GSE1: variants seen among roughly 807,000 people sequenced by gnomAD.
The protein encoded by GSE1 is genetic suppressor element 1.
A neutral mutation model predicts 112.6 loss-of-function variants in GSE1; 32 were observed. That is an observed-to-expected ratio of 0.28 (90% CI 0.21 to 0.38). GSE1 has a LOEUF of 0.38. Among genes scored for constraint, GSE1 ranks in the 10% least tolerant of loss-of-function variants. GSE1 has a pLI of 1.00. For missense variants in GSE1, 2,348 were observed against 1,699.2 expected, an observed-to-expected ratio of 1.38 and a Z score of -6.71; for synonymous variants, 1,115 against 735.6, an observed-to-expected ratio of 1.52 and a Z score of -8.35.
In GSE1 at chr16:85,336,746, C is replaced by T. The variant is rs963233303; in HGVS notation, c.2284-20717C>T. Among the ~76,000 whole-genome samples, 14 of 152,220 alleles carry T rather than the reference C, an allele frequency of 9.2e-5. No homozygotes were observed. In the East Asian group the frequency reaches 1.4e-3, roughly 15 times the overall value. ...CCTCCTGAGTAGCTGGGATTACAGGCGCCTGCCACCACGCCCAGCCTTGCC... is the reference window on the plus strand; with the variant it reads ...CCTCCTGAGTAGCTGGGATTACAGGTGCCTGCCACCACGCCCAGCCTTGCC... On this transcript the variant is annotated intron_variant, in intron 1 of 2. Coordinates refer to the GSE1 transcript ENST00000637419.
At chr16:85,442,741 C>T (rs1317570031) in intron 2 of GSE1, among the ~76,000 whole-genome samples, 3 of 152,206 alleles carry the variant, frequency 2.0e-5, no homozygotes, top group Non-Finnish European at 2.9e-5. Flanking sequence ...CAGCTGCCCC[C>T]TTAGCTCCCG....
At chr16:85,556,069 A>C (rs1411373371) in exon 1 of GSE1, 1 of 983,572 alleles carries the variant, frequency 1.0e-6, no homozygotes. Context: ...CTCATTGTGG[A>C]TCTGCCAGGG....
intron 1 of GSE1, among the ~76,000 whole-genome samples, chr16:85,227,945 C>T (rs952430814): frequency 2.6e-5 from 4 of 152,104 alleles, no homozygotes; most frequent in Non-Finnish European, 5.9e-5. Context: ...ACGCAGAGAA[C>T]CCCGTGCAGG....
At chr16:85,416,782 G>C (rs925176351) in intron 2 of GSE1, among the ~76,000 whole-genome samples, 1 of 152,242 alleles carries the variant, frequency 6.6e-6, no homozygotes, top group Non-Finnish European at 1.5e-5. Context: ...CATGGATCCC[G>C]GGGCTTCTCA....
upstream of GSE1, among the ~76,000 whole-genome samples, chr16:85,554,126 C>T (rs1456523966): frequency 6.6e-6 from 1 of 151,172 alleles, no homozygotes; most frequent in East Asian, 1.9e-4. Context: ...TAAATTGTCA[C>T]ATCAAGAGGC....
chr16:85,626,741 G>C (rs998158324), intron 1 of GSE1, among the ~76,000 whole-genome samples: 3 of 152,136 alleles, frequency 2.0e-5, no homozygotes, highest in Non-Finnish European at 2.9e-5. Context: ...GGGAAGAGCC[G>C]GGATGAAAGG....
intron 1 of GSE1, among the ~76,000 whole-genome samples, chr16:85,260,184 C>T (rs895607298): frequency 7.9e-5 from 12 of 152,198 alleles, no homozygotes; most frequent in African/African-American, 2.2e-4. Context: ...CAGCCCACTG[C>T]CCTCCCATGG....
intron 1 of GSE1, among the ~76,000 whole-genome samples, chr16:85,330,708 A>G (rs578011026): frequency 6.6e-6 from 1 of 152,308 alleles, no homozygotes; most frequent in East Asian, 1.9e-4. Context: ...AAACTGTGAA[A>G]CGACATCTGC....
intron 1 of GSE1, among the ~76,000 whole-genome samples, chr16:85,209,147 C>CA (rs2075178188): frequency 1.3e-5 from 2 of 152,168 alleles, no homozygotes; most frequent in African/African-American, 4.8e-5. Flanking sequence ...TTACTGAGTC[C>CA]AGTGTTTCTG....
At chr16:85,585,623 A>G (rs1401162999) in intron 1 of GSE1, among the ~76,000 whole-genome samples, 2 of 152,134 alleles carry the variant, frequency 1.3e-5, no homozygotes, top group Non-Finnish European at 2.9e-5. Context: ...CCCTCCCATC[A>G]TTGCAGTCTG....
chr16:85,429,037 G>A (rs1326843002), intron 2 of GSE1, among the ~76,000 whole-genome samples: 1 of 152,210 alleles, frequency 6.6e-6, no homozygotes, highest in African/African-American at 2.4e-5. Flanking sequence ...TACAACACGT[G>A]CACATACATG....
chr16:85,253,057 CGCCCCCCCCCCA>C (rs1906659562), intron 1 of GSE1, among the ~76,000 whole-genome samples: 2 of 63,660 alleles, frequency 3.1e-5, no homozygotes, highest in African/African-American at 7.2e-5. Context: ...TAGGCGCCCC[CGCCCCCCCCCCA>C]CCCCCCCCCC....
At chr16:85,541,468 C>T (rs978466428) in intron 2 of GSE1, among the ~76,000 whole-genome samples, 9 of 152,232 alleles carry the variant, frequency 5.9e-5, no homozygotes, top group Non-Finnish European at 1.2e-4. Context: ...AGCTCCTGGG[C>T]CAAGTGAAAA....
intron 1 of GSE1, among the ~76,000 whole-genome samples, chr16:85,332,452 G>A (rs2046395431): frequency 6.6e-6 from 1 of 152,194 alleles, no homozygotes; most frequent in Non-Finnish European, 1.5e-5. Flanking sequence ...CAGATGGGGT[G>A]GCAGAGGCTC....
At chr16:85,613,940 C>A (rs1356977798) in intron 1 of GSE1, among the ~76,000 whole-genome samples, 2 of 148,642 alleles carry the variant, frequency 1.3e-5, no homozygotes, top group Non-Finnish European at 3.0e-5. Context: ...GACCCCTTGT[C>A]TCGGGGGAGT....
chr16:85,321,155 T>C (rs1037735250), intron 1 of GSE1, among the ~76,000 whole-genome samples: 1 of 152,224 alleles, frequency 6.6e-6, no homozygotes, highest in African/African-American at 2.4e-5. Context: ...CTGTCTCTTC[T>C]GCCGGTGTCC....
Position 85,364,357 on chromosome 16 carries a change from C to G in GSE1, c.2464+6714C>G, listed in dbSNP as rs113397331. 2.3e-3 allele frequency among the ~76,000 whole-genome samples: 357 copies of G among 152,346 alleles called. 2 individuals are homozygous for G. The highest frequency in any genetic ancestry group is 8.2e-3 in the African/African-American group (343 of 41,592). On this transcript the variant is annotated intron_variant, in intron 2 of 2. Coordinates refer to the GSE1 transcript ENST00000637419. ...CACGTGGCTAATCCAGGCCCATCTC[C>G]CATCTCAAGGTCAGCTGGTTAGCAA...
rs556031384 is a variant in GSE1 at position 85,475,622 on chromosome 16, C to G, written c.2464+117979C>G. Among the ~76,000 whole-genome samples, 5 of 152,266 alleles carry G rather than the reference C, an allele frequency of 3.3e-5. No homozygotes were observed. In the East Asian group the frequency reaches 9.7e-4, roughly 29 times the overall value. On this transcript the variant is annotated intron_variant, in intron 2 of 2. Coordinates refer to the GSE1 transcript ENST00000637419. ...CTGCAGTGCCTGGGCAATTCTGGGCCTTGTAAATCTAGTGACAGGGCCTCT... is the reference window on the plus strand; with the variant it reads ...CTGCAGTGCCTGGGCAATTCTGGGCGTTGTAAATCTAGTGACAGGGCCTCT...
intron 1 of GSE1, among the ~76,000 whole-genome samples, chr16:85,187,833 G>T (rs1489896848): frequency 1.3e-5 from 2 of 152,234 alleles, no homozygotes; most frequent in African/African-American, 4.8e-5. Context: ...CTGGGGAAAT[G>T]ATCGCTGTGG....
Sources: gnomAD v4.1 joint callset for allele counts (sites outside exome capture counted in the v4.1 genomes callset) on GRCh38, gnomAD v4.1.1 for gene constraint, MANE v1.5 for transcripts, NCBI Gene and HGNC (gene_info 2026-07-23, HGNC 2026-07-21) for gene names.